Variants in MLLT3 observed in about 807,000 individuals in gnomAD.
MLLT3 encodes MLLT3 super elongation complex subunit.
MLLT3 carries 4 observed loss-of-function variants against 53.2 expected under a neutral mutation model. The ratio of observed to expected loss-of-function variants is 0.08; its 90% CI spans 0.04 to 0.17. The LOEUF is 0.17. Ranked by LOEUF, MLLT3 falls within the 10% of genes least tolerant of loss-of-function variation. The probability of loss-of-function intolerance (pLI) is 1.00; values close to 1 mark genes in which losing one functional copy is unlikely to be tolerated. For missense variants in MLLT3, 569 were observed against 684.0 expected (o/e 0.83, Z 1.87); for synonymous variants, 283 against 230.6 (o/e 1.23, Z -2.06).
In MLLT3 at chr9:20,426,125, G is replaced by A. The variant is rs1823134244; in HGVS notation, c.421-11700C>T. 2.0e-5 allele frequency among the ~76,000 whole-genome samples: 3 copies of A among 151,974 alleles called. No individual in the cohort carries two copies. The South Asian group carries it at 6.2e-4, about 32-fold the overall frequency. ...CCTATTTATATATACTCCCTGACTT[G>A]CTATGGCTTAAGTTCTAAATCATAG... is the stretch of plus-strand genomic sequence containing the variant. On this transcript the variant is annotated intron_variant, in intron 4 of 10. Transcript: ENST00000380338.
intron 5 of MLLT3, among the ~76,000 whole-genome samples, chr9:20,369,446 C>T (rs1821538574): frequency 6.6e-6 from 1 of 152,136 alleles, no homozygotes; most frequent in Non-Finnish European, 1.5e-5. Context: ...AAAAAATTGA[C>T]TTATCCAGAG....
intron 5 of MLLT3, among the ~76,000 whole-genome samples, chr9:20,412,333 C>G (rs900723254): frequency 6.6e-6 from 1 of 152,190 alleles, no homozygotes; most frequent in Non-Finnish European, 1.5e-5. Flanking sequence ...ACATTCAACT[C>G]TCATCTCCAT....
At chr9:20,402,687 G>A (rs907634049) in intron 5 of MLLT3, among the ~76,000 whole-genome samples, 1 of 152,116 alleles carries the variant, frequency 6.6e-6, no homozygotes, top group African/African-American at 2.4e-5. Flanking sequence ...AATACATCAA[G>A]TCATGATTAT....
At chr9:20,571,452 T>C (rs1054169722) in intron 2 of MLLT3, among the ~76,000 whole-genome samples, 2 of 152,232 alleles carry the variant, frequency 1.3e-5, no homozygotes, top group African/African-American at 4.8e-5. Flanking sequence ...ATGTATTTTT[T>C]TACTATACTT....
intron 7 of MLLT3, among the ~76,000 whole-genome samples, chr9:20,361,067 A>T (rs751878275): frequency 6.6e-6 from 1 of 152,224 alleles, no homozygotes; most frequent in Middle Eastern, 3.2e-3. Context: ...AGACGAGTAA[A>T]CTGAGACTCA....
Position 20,345,527 on chromosome 9 carries a change from C to A in MLLT3, c.*916G>T, listed in dbSNP as rs2118577424. The A allele has an allele frequency of 5.0e-6, 1 of 200,578 alleles. No homozygotes were observed. The highest frequency in any genetic ancestry group is 6.0e-5 in the Admixed American group (1 of 16,568). 12.4% of individuals were successfully genotyped at this position (200,578 alleles called of 1,614,324 possible). A position where few individuals can be genotyped will look rare whatever the true frequency, so the allele number is the denominator to read the frequency against. The stretch of plus-strand genomic sequence containing the variant: ...TTTTAAATGATGATCCTGTGGAATG[C>A]CTTTACTTCCATATTCACCTAATAT... On this transcript the variant is annotated 3_prime_UTR_variant, in exon 11 of 11. Coordinates refer to ENST00000380338, the MANE Select transcript of MLLT3 (RefSeq NM_004529.4).
At chr9:20,530,711 T>A (rs1224954446) in intron 2 of MLLT3, among the ~76,000 whole-genome samples, 2 of 152,206 alleles carry the variant, frequency 1.3e-5, no homozygotes, top group African/African-American at 4.8e-5. Context: ...CTGTAGCCCA[T>A]CCTCTACATC....
chr9:20,545,336 C>T (rs893831355), intron 2 of MLLT3, among the ~76,000 whole-genome samples: 3 of 152,108 alleles, frequency 2.0e-5, no homozygotes, highest in Admixed American at 2.0e-4. Context: ...ATCCCACTTA[C>T]ATGAGGCATT....
At chr9:20,615,651 TAG>T (rs990069700) in intron 2 of MLLT3, among the ~76,000 whole-genome samples, 5 of 151,856 alleles carry the variant, frequency 3.3e-5, no homozygotes, top group African/African-American at 1.2e-4. Flanking sequence ...TCTCGGAGTG[TAG>T]AGTTAGGATC....
intron 2 of MLLT3, among the ~76,000 whole-genome samples, chr9:20,474,833 A>G (rs1824481930): frequency 6.6e-6 from 1 of 152,136 alleles, no homozygotes; most frequent in South Asian, 2.1e-4. Context: ...GTTTTAATAT[A>G]TCTATTCCAA....
chr9:20,514,751 G>T (rs752311451), intron 2 of MLLT3, among the ~76,000 whole-genome samples: 1 of 151,954 alleles, frequency 6.6e-6, no homozygotes, highest in African/African-American at 2.4e-5. Flanking sequence ...AAAAGGAGTC[G>T]TTTGAGGAAA....
At chr9:20,548,006 A>G (rs1818835358) in intron 2 of MLLT3, among the ~76,000 whole-genome samples, 1 of 152,222 alleles carries the variant, frequency 6.6e-6, no homozygotes, top group South Asian at 2.1e-4. Flanking sequence ...GCACATCTCA[A>G]TTCAGATGCT....
chr9:20,447,731 G>C (rs1237723392), intron 4 of MLLT3, among the ~76,000 whole-genome samples: 1 of 152,082 alleles, frequency 6.6e-6, no homozygotes, highest in African/African-American at 2.4e-5. Context: ...AGAAAATTTG[G>C]ATTTCTTTTT....
At chr9:20,550,965 A>G (rs1306966135) in intron 2 of MLLT3, among the ~76,000 whole-genome samples, 2 of 152,006 alleles carry the variant, frequency 1.3e-5, no homozygotes, top group Admixed American at 6.6e-5. Flanking sequence ...GGGTCTCACT[A>G]CATTAACCAG....
At chr9:20,509,606 A>G (rs1351197303) in intron 2 of MLLT3, among the ~76,000 whole-genome samples, 1 of 152,170 alleles carries the variant, frequency 6.6e-6, no homozygotes, top group Non-Finnish European at 1.5e-5. Flanking sequence ...TAATTGAAAT[A>G]CTGTATGATA....
chr9:20,578,871 A>C (rs1369001144), intron 2 of MLLT3, among the ~76,000 whole-genome samples: 1 of 152,172 alleles, frequency 6.6e-6, no homozygotes, highest in South Asian at 2.1e-4. Context: ...AGATATGTTA[A>C]GTGATATTTT....
intron 2 of MLLT3, among the ~76,000 whole-genome samples, chr9:20,536,850 G>C (rs948317838): frequency 8.5e-6 from 1 of 117,918 alleles, no homozygotes; most frequent in Non-Finnish European, 1.8e-5. Flanking sequence ...TGTTTAACTA[G>C]AAAAAAAAAA....
In MLLT3 at chr9:20,553,334, A is replaced by G. The variant is rs149119360; in HGVS notation, c.193+67320T>C. Among the ~76,000 whole-genome samples, 668 of 152,300 alleles carry G rather than the reference A, an allele frequency of 4.4e-3. 6 individuals carry two copies. The highest frequency in any genetic ancestry group is 0.015 in the African/African-American group (643 of 41,550). ...AGAAGAGCTTATATGCATATCCACA[A>G]GGAGGTAATAGTTGTTGAGTCGGCC... On this transcript the variant is annotated intron_variant, in intron 2 of 10. Coordinates refer to ENST00000380338, the MANE Select transcript of MLLT3 (RefSeq NM_004529.4).
Position 20,436,285 on chromosome 9 carries a change from G to GCAAA in MLLT3, c.420+11834_420+11837dup, listed in dbSNP as rs570612807. ...GATTGCCTCTTAACTTACAGAAAATGCAAACTTAACCAATCCCCACAGATA... is the reference window on the plus strand; with the variant it reads ...GATTGCCTCTTAACTTACAGAAAATGCAAACAAACTTAACCAATCCCCACAGATA... On this transcript the variant is annotated intron_variant, in intron 4 of 10. Transcript: ENST00000380338. Among the ~76,000 whole-genome samples, 424 of 152,292 alleles carry GCAAA rather than the reference G, an allele frequency of 2.8e-3. 3 individuals are homozygous for GCAAA. The highest frequency in any genetic ancestry group is 3.4e-3 in the Non-Finnish European group (230 of 68,016).
Sources: allele counts gnomAD v4.1 joint callset (sites outside exome capture counted in the v4.1 genomes callset), GRCh38; gene constraint gnomAD v4.1.1; transcripts MANE v1.5; gene names NCBI Gene and HGNC (gene_info 2026-07-23, HGNC 2026-07-21).